The following FUT9 variants were observed in gnomAD, a reference collection of about 807,000 sequenced individuals.
FUT9 encodes 4-galactosyl-N-acetylglucosaminide 3-alpha-L-fucosyltransferase 9.
Under a neutral mutation model 29.7 loss-of-function variants are expected in FUT9, and 15 were observed. The observed-to-expected ratio is 0.51, with a 90% CI of 0.34 to 0.78. The LOEUF (loss-of-function observed/expected upper bound fraction) is 0.78, where lower values mean the gene tolerates loss of function less well. Ranked by LOEUF, FUT9 falls within the 30% of genes least tolerant of loss-of-function variation. The pLI is 0.01. For synonymous variants in FUT9, 169 were observed against 153.7 expected, an observed-to-expected ratio of 1.10 and a Z score of -0.74; for missense variants, 319 against 425.4, an observed-to-expected ratio of 0.75 and a Z score of 2.20.
intron 1 of FUT9, among the ~76,000 whole-genome samples, chr6:96,082,037 G>T (rs1771245955): frequency 6.6e-6 from 1 of 151,662 alleles, no homozygotes; most frequent in Non-Finnish European, 1.5e-5. Context: ...TTGATCTGGA[G>T]AAATTCTGTA....
intron 1 of FUT9, among the ~76,000 whole-genome samples, chr6:96,038,194 T>C (rs992551316): frequency 1.3e-5 from 2 of 152,120 alleles, no homozygotes; most frequent in Admixed American, 6.6e-5. Flanking sequence ...TTTCCAATTA[T>C]GGAATCAAAT....
rs769704584 is a variant in FUT9 at position 96,204,276 on chromosome 6, G to C, written c.*41G>C. 8 of 1,327,730 alleles carry C rather than the reference G, an allele frequency of 6.0e-6. No individual in the cohort carries two copies. Among genetic ancestry groups the C allele is most frequent in the Middle Eastern group, 2.2e-4 (1 of 4,628 alleles). The allele number at this position is 1,327,730 out of a possible 1,614,324, so 82.2% of individuals were successfully genotyped here. On this transcript the variant is annotated 3_prime_UTR_variant, in exon 3 of 3. Coordinates refer to ENST00000302103, the MANE Select transcript of FUT9 (RefSeq NM_006581.4). The stretch of plus-strand genomic sequence containing the variant: ...GCACACTTGATAAATATTTTGATGA[G>C]ATATCATCCAAGTATTGAGGATAAG...
intron 2 of FUT9, among the ~76,000 whole-genome samples, chr6:96,130,605 T>C (rs1178535089): frequency 6.6e-6 from 1 of 152,204 alleles, no homozygotes; most frequent in Non-Finnish European, 1.5e-5. Flanking sequence ...ATCATTGCTA[T>C]AATTATGAAT....
chr6:96,112,587 T>C (rs1771829945), intron 1 of FUT9, among the ~76,000 whole-genome samples: 1 of 152,194 alleles, frequency 6.6e-6, no homozygotes, highest in Non-Finnish European at 1.5e-5. Context: ...TTTTAAAATC[T>C]ACTGCTTTAG....
chr6:96,102,008 A>C (rs1325543500), intron 1 of FUT9, among the ~76,000 whole-genome samples: 1 of 152,104 alleles, frequency 6.6e-6, no homozygotes, highest in East Asian at 1.9e-4. Context: ...ATATGTATGC[A>C]CGTGTGTGTA....
intron 1 of FUT9, among the ~76,000 whole-genome samples, chr6:96,112,528 A>G (rs750518025): frequency 6.6e-6 from 1 of 152,220 alleles, no homozygotes; most frequent in African/African-American, 2.4e-5. Flanking sequence ...TCTTTCAAGC[A>G]TAGTCCAAGG....
At chr6:96,176,847 C>T (rs1004872978) in intron 2 of FUT9, among the ~76,000 whole-genome samples, 1 of 152,142 alleles carries the variant, frequency 6.6e-6, no homozygotes, top group East Asian at 1.9e-4. Context: ...GCTCCTTTGG[C>T]GCTATGACTT....
chr6:96,187,502 C>T (rs1773425873), intron 2 of FUT9, among the ~76,000 whole-genome samples: 1 of 151,990 alleles, frequency 6.6e-6, no homozygotes, highest in South Asian at 2.1e-4. Flanking sequence ...ACTGTAATTC[C>T]TAGAAAAGTT....
chr6:96,176,747 G>C (rs1451577477), intron 2 of FUT9, among the ~76,000 whole-genome samples: 1 of 152,124 alleles, frequency 6.6e-6, no homozygotes, highest in African/African-American at 2.4e-5. Context: ...TGCCCTGCTG[G>C]CTTTGGTTCT....
chr6:96,207,975 G>GA lies in FUT9; in HGVS notation c.*3750dup, dbSNP rs34525493. On this transcript the variant is annotated 3_prime_UTR_variant, in exon 3 of 3. Coordinates refer to ENST00000302103, the MANE Select transcript of FUT9 (RefSeq NM_006581.4). ...TATCTGACAATATGAAGTAGAAACT[G>GA]AAAAAAAAAATCATCTTAGTGGGAA... 7.4e-4 allele frequency: 120 copies of GA among 161,214 alleles called. 3 individuals are homozygous for GA. The East Asian group carries it at 0.012, about 16-fold the overall frequency. The allele number at this position is 161,214 out of a possible 1,614,324, so 10.0% of individuals were successfully genotyped here. A position where few individuals can be genotyped will look rare whatever the true frequency, so the allele number is the denominator to read the frequency against.
intron 2 of FUT9, among the ~76,000 whole-genome samples, chr6:96,161,939 A>G (rs992478976): frequency 6.6e-6 from 1 of 152,204 alleles, no homozygotes; most frequent in Non-Finnish European, 1.5e-5. Context: ...CTTCAAACTC[A>G]TTGATTCTTT....
At chr6:96,118,918 T>C (rs1771967180) in intron 2 of FUT9, among the ~76,000 whole-genome samples, 1 of 152,002 alleles carries the variant, frequency 6.6e-6, no homozygotes, top group South Asian at 2.1e-4. Flanking sequence ...AAAAAGCTTA[T>C]AGAATAAGGA....
rs555558138 is a variant in FUT9, at chr6:96,070,452, A to C, written c.-97-43587A>C. Among the ~76,000 whole-genome samples the C allele has an allele frequency of 3.1e-3, 467 of 152,248 alleles. 2 individuals are homozygous for C. The highest frequency in any genetic ancestry group is 0.024 in the Middle Eastern group (7 of 294). Reference sequence around the variant, plus strand: ...TGTAATTCCAGCACTTTGGGAGGCCAAGGTGGCAGGATCGCTTGAGCTCAG... The same window carrying C: ...TGTAATTCCAGCACTTTGGGAGGCCCAGGTGGCAGGATCGCTTGAGCTCAG... On this transcript the variant is annotated intron_variant, in intron 1 of 2. Coordinates refer to ENST00000302103, the MANE Select transcript of FUT9 (RefSeq NM_006581.4).
intron 1 of FUT9, among the ~76,000 whole-genome samples, chr6:96,028,373 G>C (rs973689455): frequency 2.2e-4 from 33 of 151,424 alleles, no homozygotes; most frequent in African/African-American, 8.0e-4. Context: ...TATTTTTAAT[G>C]GCAAAGGAAT....
chr6:96,027,984 A>G (rs956411855), intron 1 of FUT9, among the ~76,000 whole-genome samples: 4 of 151,638 alleles, frequency 2.6e-5, no homozygotes, highest in African/African-American at 9.7e-5. Context: ...AACTTATAAA[A>G]TATGTGTGTC....
intron 2 of FUT9, among the ~76,000 whole-genome samples, chr6:96,115,166 A>G (rs1020375340): frequency 7.9e-5 from 12 of 152,348 alleles, no homozygotes; most frequent in African/African-American, 2.6e-4. Context: ...TAATAAAACT[A>G]TAATGTGAAC....
chr6:96,161,524 G>A (rs1772902157), intron 2 of FUT9, among the ~76,000 whole-genome samples: 1 of 152,172 alleles, frequency 6.6e-6, no homozygotes, highest in South Asian at 2.1e-4. Context: ...TATAGGTAGA[G>A]ACAGATAGAT....
intron 1 of FUT9, among the ~76,000 whole-genome samples, chr6:96,059,131 T>A (rs1770828662): frequency 6.6e-6 from 1 of 152,210 alleles, no homozygotes; most frequent in African/African-American, 2.4e-5. Context: ...TAAAATAATC[T>A]GTGTGGAGGA....
At chr6:96,120,321 A>AGT (rs1167155299) in intron 2 of FUT9, among the ~76,000 whole-genome samples, 1 of 123,338 alleles carries the variant, frequency 8.1e-6, no homozygotes, top group Admixed American at 1.0e-4. Context: ...CCCAGACTGG[A>AGT]GTGCAGTGGT....
Sources: allele counts gnomAD v4.1 joint callset (sites outside exome capture counted in the v4.1 genomes callset), GRCh38; gene constraint gnomAD v4.1.1; transcripts MANE v1.5; gene names NCBI Gene and HGNC (gene_info 2026-07-23, HGNC 2026-07-21).